The following TCF20 variants were observed in gnomAD, a reference collection of about 807,000 sequenced individuals.
TCF20 encodes the protein SPRE-binding protein.
TCF20 carries 3 observed loss-of-function variants against 148.6 expected under a neutral mutation model. That is an observed-to-expected ratio of 0.02 (90% confidence interval 0.01 to 0.05). The LOEUF (loss-of-function observed/expected upper bound fraction) is 0.05. TCF20 is among the 10% of genes least tolerant of loss of function. TCF20 has a pLI of 1.00. For synonymous variants in TCF20, 1,049 were observed against 909.5 expected, an observed-to-expected ratio of 1.15 and a Z score of -2.76; for missense variants, 2,350 against 2,429.3, an observed-to-expected ratio of 0.97 and a Z score of 0.69.
chr22:42,194,461 A>C (rs1465135970), intron 2 of TCF20, among the ~76,000 whole-genome samples: 1 of 152,192 alleles, frequency 6.6e-6, no homozygotes, highest in Non-Finnish European at 1.5e-5. Flanking sequence ...CGCCTTGCAC[A>C]ATGTTCCTCA....
At position 42,215,022 on chromosome 22, in the gene TCF20, T is replaced by C. The variant is rs771822478; in HGVS notation, c.284A>G (p.Asn95Ser). Residue 95 changes from asparagine (N) to serine (S), a missense_variant, in exon 2 of 6, where the codon AAC becomes AGC. Asn to Ser is a conservative substitution (Grantham distance 46, BLOSUM62 1). This residue lies in a region of TCF20 where 1,641 missense variants were observed against 1,662.6 expected (regional missense o/e 0.99). Coordinates refer to ENST00000677622, the MANE Select transcript of TCF20 (RefSeq NM_001378418.1). ...GGTTCCTGTAGTCACGGGGTCTTTG[T>C]TGCCTGCCATGTAGTAAAAATCTCC... is the stretch of plus-strand genomic sequence containing the variant. The part of the protein sequence containing the change: ...EAGDFYYMAG[N>S]KDPVTTGTPQ... 28 of 1,614,110 alleles carry C rather than the reference T, an allele frequency of 1.7e-5. No individual in the cohort carries two copies. In the African/African-American group the frequency reaches 2.8e-4, roughly 16 times the overall value.
At chr22:42,252,850 CTA>C (rs1282880807) in intron 1 of TCF20, among the ~76,000 whole-genome samples, 1 of 152,010 alleles carries the variant, frequency 6.6e-6, no homozygotes, top group African/African-American at 2.4e-5. Context: ...ACAAAAATAA[CTA>C]TTTTCATACA....
At chr22:42,204,514 A>C (rs540571056) in intron 2 of TCF20, among the ~76,000 whole-genome samples, 11 of 151,980 alleles carry the variant, frequency 7.2e-5, no homozygotes, top group Admixed American at 3.3e-4. Flanking sequence ...AGGAAAAAAA[A>C]CCCTAAATAT....
intron 3 of TCF20, among the ~76,000 whole-genome samples, chr22:42,177,306 T>A (rs974036812): frequency 1.3e-5 from 2 of 152,134 alleles, no homozygotes; most frequent in Admixed American, 1.3e-4. Context: ...TCCCAGCTAC[T>A]CGGGAGGCTG....
intron 1 of TCF20, among the ~76,000 whole-genome samples, chr22:42,333,554 G>T (rs1029116987): frequency 2.6e-5 from 4 of 152,206 alleles, no homozygotes; most frequent in Non-Finnish European, 5.9e-5. Flanking sequence ...CTCAGTTTCG[G>T]TAAGGAACCA....
intron 1 of TCF20, among the ~76,000 whole-genome samples, chr22:42,311,926 G>GT (rs1342903747): frequency 6.6e-6 from 1 of 152,316 alleles, no homozygotes; most frequent in East Asian, 1.9e-4. Flanking sequence ...AGAAGGGGTA[G>GT]TGAGACTCTA....
At position 42,210,362 on chromosome 22, in the gene TCF20, T is replaced by G. The variant is rs780800044; in HGVS notation, c.4944A>C (p.Thr1648=). 1.2e-6 allele frequency: 2 copies of G among 1,614,100 alleles called. No homozygotes were observed. Among genetic ancestry groups the G allele is most frequent in the Non-Finnish European group, 1.7e-6 (2 of 1,180,046 alleles). Residue 1648 remains threonine (T), a synonymous_variant, in exon 2 of 6, where the codon ACA becomes ACC. Coordinates refer to ENST00000677622, the MANE Select transcript of TCF20 (RefSeq NM_001378418.1). The surrounding 1 kb of genome is among the most constrained non-coding windows in gnomAD (Gnocchi z 4.7). ...VNKCELGAVC[T]IINAEEEEQT... is the part of the protein sequence containing the mutation. ...GTTCTTCTTCCTCAGCATTGATGAT[T>G]GTACAAACGGCTCCAAGTTCACACT...
chr22:42,284,333 C>G (rs374203895), upstream of TCF20, among the ~76,000 whole-genome samples: 1 of 152,252 alleles, frequency 6.6e-6, no homozygotes, highest in Non-Finnish European at 1.5e-5. Flanking sequence ...AGGTGAGAAT[C>G]GCAGCTCACT....
chr22:42,185,931 G>A (rs770470358), intron 2 of TCF20, among the ~76,000 whole-genome samples: 5 of 152,124 alleles, frequency 3.3e-5, no homozygotes, highest in African/African-American at 4.8e-5. Flanking sequence ...AACCTCAGAG[G>A]GACAGAGACT....
At chr22:42,250,731 G>A (rs1184292899) in intron 1 of TCF20, among the ~76,000 whole-genome samples, 1 of 152,178 alleles carries the variant, frequency 6.6e-6, no homozygotes, top group Admixed American at 6.5e-5. Flanking sequence ...GTAAAGTGGT[G>A]TACTAGGCTG....
At chr22:42,303,356 G>A (rs1254432110) in intron 1 of TCF20, among the ~76,000 whole-genome samples, 2 of 152,280 alleles carry the variant, frequency 1.3e-5, no homozygotes, top group Non-Finnish European at 2.9e-5. Flanking sequence ...CCGAGGCTCA[G>A]AGAGGTCCGG....
At chr22:42,320,689 G>A (rs1927716602) in intron 1 of TCF20, among the ~76,000 whole-genome samples, 1 of 152,198 alleles carries the variant, frequency 6.6e-6, no homozygotes, top group Admixed American at 6.5e-5. Flanking sequence ...GAATGCACCT[G>A]GCAGTGCATA....
intron 1 of TCF20, among the ~76,000 whole-genome samples, chr22:42,239,398 C>T (rs1288396022): frequency 2.0e-5 from 3 of 152,006 alleles, no homozygotes; most frequent in Non-Finnish European, 4.4e-5. Context: ...ATCACTTGAA[C>T]CCCGGAGGCG....
intron 3 of TCF20, among the ~76,000 whole-genome samples, chr22:42,171,499 G>A (rs1269444827): frequency 1.3e-5 from 2 of 152,096 alleles, no homozygotes; most frequent in African/African-American, 4.8e-5. Context: ...TCTTTCGTTG[G>A]AGCCCATGAG....
chr22:42,340,930 A>T (rs943740946), intron 1 of TCF20, among the ~76,000 whole-genome samples: 4 of 119,834 alleles, frequency 3.3e-5, no homozygotes, highest in Non-Finnish European at 6.5e-5. Context: ...CTTTCTGGTC[A>T]GGGAGAAAGC....
upstream of TCF20, among the ~76,000 whole-genome samples, chr22:42,288,715 C>CA (rs60058670): frequency 4.9e-3 from 417 of 85,248 alleles, 17 homozygotes; most frequent in East Asian, 0.047. Flanking sequence ...GACCCTGTAT[C>CA]AAAAAAAAAA....
chr22:42,251,480 C>A (rs1021310217), intron 1 of TCF20, among the ~76,000 whole-genome samples: 2 of 142,292 alleles, frequency 1.4e-5, no homozygotes, highest in African/African-American at 2.6e-5. Flanking sequence ...CTGTACCTGG[C>A]CAAACAAGTG....
intron 1 of TCF20, among the ~76,000 whole-genome samples, chr22:42,333,483 C>T (rs1331154064): frequency 1.3e-5 from 2 of 152,266 alleles, no homozygotes; most frequent in African/African-American, 4.8e-5. Flanking sequence ...GCACCATGAA[C>T]GCAAGTCACA....
chr22:42,163,455 C>T (rs1042807256), intron 5 of TCF20, among the ~76,000 whole-genome samples: 26 of 152,222 alleles, frequency 1.7e-4, no homozygotes, highest in Non-Finnish European at 2.8e-4. Flanking sequence ...AAAGTTGTTC[C>T]TTCAGTAGGG....
Sources: gnomAD v4.1 joint callset for allele counts (sites outside exome capture counted in the v4.1 genomes callset) on GRCh38, gnomAD v4.1.1 for gene constraint, gnomAD v4.1.1 regional missense constraint, Gnocchi (gnomAD v3.1) non-coding constraint, MANE v1.5 for transcripts, NCBI Gene and HGNC (gene_info 2026-07-23, HGNC 2026-07-21) for gene names.